RCBTB2: variants seen among roughly 807,000 people sequenced by gnomAD.
The protein encoded by RCBTB2 is RCC1 and BTB domain containing protein 2.
A neutral mutation model predicts 65.4 loss-of-function variants in RCBTB2; 55 were observed. That is an observed-to-expected ratio of 0.84 (90% CI 0.68 to 1.05). The LOEUF (loss-of-function observed/expected upper bound fraction) is 1.05, where lower values mean the gene tolerates loss of function less well. Among genes scored for constraint, RCBTB2 ranks in the 50% least tolerant of loss-of-function variants. The pLI is 0.00. For synonymous variants in RCBTB2, 220 were observed against 255.2 expected, an observed-to-expected ratio of 0.86 and a Z score of 1.31; for missense variants, 599 against 680.1, an observed-to-expected ratio of 0.88 and a Z score of 1.33.
upstream of RCBTB2, chr13:48,533,396 A>T: frequency 4.0e-6 from 1 of 252,698 alleles, no homozygotes; most frequent in Non-Finnish European, 7.9e-6. Context: ...AAATTTTGGG[A>T]ATTTGTGGAT....
chr13:48,489,248 A>G lies in RCBTB2; in HGVS notation c.*863T>C, dbSNP rs980304739. The G allele has an allele frequency of 1.3e-5, 2 of 152,232 alleles. No homozygotes were observed. Among genetic ancestry groups the G allele is most frequent in the African/African-American group, 4.8e-5 (2 of 41,470 alleles). 9.4% of individuals were successfully genotyped at this position (152,232 alleles called of 1,614,324 possible). On this transcript the variant is annotated 3_prime_UTR_variant, in exon 15 of 15. Coordinates refer to ENST00000344532, the MANE Select transcript of RCBTB2 (RefSeq NM_001268.4). ...ATACTGGTGCCAGGTTAAGAGACCT[A>G]TTTTATAGTGAGTGACATGAAAGTC...
chr13:48,532,849 G>A (rs1165869003), intron 1 of RCBTB2, 179 bp downstream of exon 1: 2 of 348,446 alleles, frequency 5.7e-6, no homozygotes, highest in Admixed American at 3.6e-5. Flanking sequence ...CATGCGCGAC[G>A]ACGCCTAGGC....
chr13:48,506,102 C>A (rs1294015216), intron 10 of RCBTB2, among the ~76,000 whole-genome samples: 1 of 152,214 alleles, frequency 6.6e-6, no homozygotes, highest in East Asian at 1.9e-4. Context: ...GCCATGTATG[C>A]TTTGGACTGG....
In RCBTB2 at chr13:48,512,016, C is replaced by T; in HGVS notation, c.675G>A (p.Glu225=). 1.9e-6 allele frequency: 3 copies of T among 1,613,084 alleles called. No homozygotes were observed. Among genetic ancestry groups the T allele is most frequent in the East Asian group, 2.2e-5 (1 of 44,858 alleles). ...ACAAGATGTAAAATAACTTCCTTAC[C>T]TCCCCCGTGTCTACTACTGCCATGC... is the stretch of plus-strand genomic sequence containing the variant. ...MCCMAVVDTG[E]VYVWGYNGNG... Residue 225 remains glutamate (E), a splice_region_variant and synonymous_variant, in exon 8 of 15, where the codon GAG becomes GAA. Coordinates refer to ENST00000344532, the MANE Select transcript of RCBTB2 (RefSeq NM_001268.4).
Position 48,527,361 on chromosome 13 carries a change from T to TGATATA in RCBTB2, c.-218-2605_-218-2604insTATATC. 1.3e-3 allele frequency among the ~76,000 whole-genome samples: 149 copies of TGATATA among 112,324 alleles called. 2 individuals are homozygous for TGATATA. Among genetic ancestry groups the TGATATA allele is most frequent in the African/African-American group, 7.9e-3 (143 of 18,020 alleles). The allele number at this position is 112,324 out of a possible 152,430, so 73.7% of individuals were successfully genotyped here. On this transcript the variant is annotated intron_variant, in intron 1 of 14. Coordinates refer to ENST00000344532, the MANE Select transcript of RCBTB2 (RefSeq NM_001268.4). ...TGATATATATATATATGATATATAT[T>TGATATA]TATATATGATATATATATATGATAT...
intron 12 of RCBTB2, 34 bp downstream of exon 12, chr13:48,501,708 A>C: frequency 6.4e-7 from 1 of 1,571,970 alleles, no homozygotes; most frequent in Admixed American, 1.7e-5. Context: ...TGAACGAATT[A>C]CTTTTCTCAA....
intron 6 of RCBTB2, 146 bp from the exon 7 acceptor site, chr13:48,513,041 C>T: frequency 1.6e-6 from 1 of 632,522 alleles, no homozygotes; most frequent in Non-Finnish European, 2.6e-6. Flanking sequence ...AGTCATTCTA[C>T]AAAAGAATCT....
upstream of RCBTB2, among the ~76,000 whole-genome samples, chr13:48,533,510 A>G (rs1399524533): frequency 2.0e-5 from 3 of 152,222 alleles, no homozygotes; most frequent in Admixed American, 6.5e-5. Context: ...TGGCCCCTCT[A>G]TCTGGGGGCT....
rs1195786272 is a variant in RCBTB2, at chr13:48,489,069, A to G, written c.*1042T>C. Reference sequence around the variant, plus strand: ...TACATTACATGACATTGTGAGATACACATTAGAAGAATCTGAGACTATGTT... The same window carrying G: ...TACATTACATGACATTGTGAGATACGCATTAGAAGAATCTGAGACTATGTT... On this transcript the variant is annotated 3_prime_UTR_variant, in exon 15 of 15. Transcript: ENST00000344532. 2.6e-5 allele frequency: 4 copies of G among 152,258 alleles called. No individual in the cohort carries two copies. The highest frequency in any genetic ancestry group is 9.6e-5 in the African/African-American group (4 of 41,464). The allele number at this position is 152,258 out of a possible 1,614,324, so 9.4% of individuals were successfully genotyped here. A position where few individuals can be genotyped will look rare whatever the true frequency, so the allele number is the denominator to read the frequency against.
chr13:48,496,077 T>C, intron 14 of RCBTB2, 114 bp downstream of exon 14: 1 of 1,040,724 alleles, frequency 9.6e-7, no homozygotes, highest in Non-Finnish European at 1.3e-6. Flanking sequence ...CTTCATTTTT[T>C]AAAAAATATT....
chr13:48,503,285 A>G (rs1294592799), intron 10 of RCBTB2, among the ~76,000 whole-genome samples: 1 of 152,180 alleles, frequency 6.6e-6, no homozygotes, highest in East Asian at 1.9e-4. Flanking sequence ...TTTCCCCCTA[A>G]AACATCACTT....
upstream of RCBTB2, chr13:48,533,112 G>A (rs1272944061): frequency 4.6e-6 from 2 of 435,236 alleles, no homozygotes; most frequent in South Asian, 1.6e-5. Context: ...CGATGAGTTG[G>A]CGCCTCCCCC....
At chr13:48,509,949 G>A (rs966542895) in intron 10 of RCBTB2, among the ~76,000 whole-genome samples, 4 of 152,168 alleles carry the variant, frequency 2.6e-5, no homozygotes, top group African/African-American at 7.2e-5. Flanking sequence ...ATAGTGAAAC[G>A]TTTTTGCTCT....
intron 14 of RCBTB2, among the ~76,000 whole-genome samples, chr13:48,491,363 T>C (rs1949692297): frequency 6.6e-6 from 1 of 152,196 alleles, no homozygotes; most frequent in Admixed American, 6.5e-5. Flanking sequence ...TGAAGATAAC[T>C]GGGCAGGCTG....
intron 13 of RCBTB2, among the ~76,000 whole-genome samples, chr13:48,496,619 C>A (rs1949983253): frequency 6.6e-6 from 1 of 151,524 alleles, no homozygotes; most frequent in Non-Finnish European, 1.5e-5. Context: ...ATGACCCCTT[C>A]CCCTGCAATC....
intron 14 of RCBTB2, among the ~76,000 whole-genome samples, chr13:48,490,548 G>C (rs1225824952): frequency 6.6e-6 from 1 of 152,088 alleles, no homozygotes; most frequent in Non-Finnish European, 1.5e-5. Flanking sequence ...GAATTCCTTG[G>C]TACCTTTGTC....
At chr13:48,512,516 A>AC (rs1238270918) in intron 7 of RCBTB2, among the ~76,000 whole-genome samples, 7 of 152,144 alleles carry the variant, frequency 4.6e-5, no homozygotes, top group Non-Finnish European at 7.4e-5. Flanking sequence ...AAGGAACAAT[A>AC]CCTCCTTTTA....
At chr13:48,532,671 G>A in intron 1 of RCBTB2, 2 of 245,244 alleles carry the variant, frequency 8.2e-6, no homozygotes, top group South Asian at 3.6e-5. Context: ...CAGAGGACTC[G>A]CGCATGCGCA....
At chr13:48,532,878 T>A in intron 1 of RCBTB2, 150 bp downstream of exon 1, 11 of 415,576 alleles carry the variant, frequency 2.6e-5, no homozygotes, top group South Asian at 1.9e-4. Context: ...CGGTCGCGGC[T>A]CTAGTCCCCT....
Sources: gnomAD v4.1 joint callset for allele counts (sites outside exome capture counted in the v4.1 genomes callset) on GRCh38, gnomAD v4.1.1 for gene constraint, MANE v1.5 for transcripts, NCBI Gene and HGNC (gene_info 2026-07-23, HGNC 2026-07-21) for gene names.